MARCO: variants seen among roughly 807,000 people sequenced by gnomAD.
The protein encoded by MARCO is macrophage receptor with collagenous structure.
Under a neutral mutation model 70.0 loss-of-function variants are expected in MARCO, and 72 were observed. The ratio of observed to expected loss-of-function variants is 1.03; its 90% CI spans 0.85 to 1.25. MARCO has a LOEUF of 1.25. Among genes scored for constraint, MARCO ranks in the 50% most tolerant of loss-of-function variants. The pLI, the probability that MARCO is intolerant of heterozygous loss-of-function variation, is 0.00. For synonymous variants in MARCO, 273 were observed against 243.1 expected (o/e 1.12, Z -1.14); for missense variants, 696 against 659.3 (o/e 1.06, Z -0.61).
chr2:118,968,926 T>C (rs1680108379), intron 1 of MARCO, among the ~76,000 whole-genome samples: 1 of 152,208 alleles, frequency 6.6e-6, no homozygotes, highest in Non-Finnish European at 1.5e-5. Flanking sequence ...AAATGATATA[T>C]GGCACAGATG....
chr2:118,969,224 C>T lies in MARCO; in HGVS notation c.162C>T (p.Ile54=). The T allele has an allele frequency of 6.2e-7, 1 of 1,614,214 alleles. No individual in the cohort carries two copies. Among genetic ancestry groups the T allele is most frequent in the Non-Finnish European group, 8.5e-7 (1 of 1,180,022 alleles). The part of the protein sequence containing the change: ...FSLAVVVIYL[I]LLTAGAGLLV... ...TAGCTGTGGTGGTCATCTACCTGAT[C>T]CTGCTCACCGCTGGCGCTGGGCTGC... The change falls in exon 2 of 17, where the codon ATC becomes ATT. Residue 54 remains isoleucine (I), a synonymous_variant. Transcript: ENST00000327097.
chr2:118,993,077 C>T (rs1411825034), intron 15 of MARCO, 47 bp from the exon 16 acceptor site: 1 of 1,568,944 alleles, frequency 6.4e-7, no homozygotes, highest in Non-Finnish European at 8.8e-7. Context: ...TTACCCAAAG[C>T]CCCAAGGGGC....
At position 118,977,949 on chromosome 2, in the gene MARCO, T is replaced by G. The variant is rs775294016; in HGVS notation, c.766+14T>G. On this transcript the variant is annotated intron_variant, in intron 8 of 16. Coordinates refer to ENST00000327097, the MANE Select transcript of MARCO (RefSeq NM_006770.4). The stretch of plus-strand genomic sequence containing the variant: ...TGGGTCTCCCAGGTGAGGGCCGTAT[T>G]GGGGGTGTCGGTGCTTGCCAGGAGG... 1 of 1,568,674 alleles carries G rather than the reference T, an allele frequency of 6.4e-7. No individual in the cohort carries two copies. The highest frequency in any genetic ancestry group is 1.2e-5 in the South Asian group (1 of 86,636).
intron 1 of MARCO, among the ~76,000 whole-genome samples, chr2:118,960,298 T>C (rs141708070): frequency 1.3e-5 from 2 of 152,254 alleles, no homozygotes; most frequent in Non-Finnish European, 2.9e-5. Context: ...CAGTGCTATG[T>C]TGAATAAGAA....
chr2:118,976,705 A>T (rs2104588709), intron 6 of MARCO, among the ~76,000 whole-genome samples: 2 of 152,328 alleles, frequency 1.3e-5, no homozygotes, highest in Middle Eastern at 3.4e-3. Context: ...TACAGATGAG[A>T]AAATTCAGAT....
rs1680385991 is a variant in MARCO at position 118,981,405 on chromosome 2, T to C, written c.767-4T>C. 2 of 1,597,784 alleles carry C rather than the reference T, an allele frequency of 1.3e-6. No homozygotes were observed. Among genetic ancestry groups the C allele is most frequent in the Non-Finnish European group, 1.7e-6 (2 of 1,174,920 alleles). On this transcript the variant is annotated splice_polypyrimidine_tract_variant and splice_region_variant and intron_variant, in intron 8 of 16. Coordinates refer to ENST00000327097, the MANE Select transcript of MARCO (RefSeq NM_006770.4). ...CAACTAACCAAGACTTTTTGGTTTT[T>C]CAGGAAGCAAAGGGGACAGGGGCAT...
rs766981323 is a variant in MARCO, at chr2:118,970,268, C to T, written c.354C>T (p.Ala118=). 1.2e-6 allele frequency: 2 copies of T among 1,614,104 alleles called. No homozygotes were observed. The highest frequency in any genetic ancestry group is 1.7e-6 in the Non-Finnish European group (2 of 1,180,014). ...QGASRLQVLQ[A]QLTWVRVSHE... is the part of the protein sequence containing the mutation. ...CATCGAGGCTGCAAGTCCTGCAGGC[C>T]CAACTCACCTGGGTCCGCGTCAGCC... Residue 118 remains alanine (A), a synonymous_variant, in exon 3 of 17, where the codon GCC becomes GCT. Coordinates refer to ENST00000327097, the MANE Select transcript of MARCO (RefSeq NM_006770.4).
intron 8 of MARCO, among the ~76,000 whole-genome samples, chr2:118,979,276 A>G (rs993908561): frequency 3.3e-5 from 5 of 152,192 alleles, no homozygotes; most frequent in African/African-American, 9.6e-5. Flanking sequence ...AGGAGGACCA[A>G]TTGTGCTAAG....
Position 118,982,395 on chromosome 2 carries a change from A to T in MARCO, c.1048A>T (p.Ser350Cys), listed in dbSNP as rs1249466745. 2 of 1,613,912 alleles carry T rather than the reference A, an allele frequency of 1.2e-6. No homozygotes were observed. Among genetic ancestry groups the T allele is most frequent in the Non-Finnish European group, 1.7e-6 (2 of 1,179,948 alleles). Residue 350 changes from serine to cysteine, a missense_variant, in exon 12 of 17, where the codon AGC becomes TGC. Ser to Cys is a moderately radical substitution (Grantham distance 112). This residue lies in a region of MARCO where 605 missense variants were observed against 537.6 expected (regional missense o/e 1.13). Coordinates refer to ENST00000327097, the MANE Select transcript of MARCO (RefSeq NM_006770.4). ...TCCAGGAGCCACAGGCCTGAAAGGA[A>T]GCAAAGGGGACACAGGTAACAGAGG... ...GSPGATGLKG[S>C]KGDTGLQGQQ...
intron 8 of MARCO, among the ~76,000 whole-genome samples, chr2:118,979,870 G>C (rs1377137840): frequency 1.3e-5 from 2 of 152,190 alleles, no homozygotes; most frequent in Non-Finnish European, 2.9e-5. Context: ...CTTCCTGCTA[G>C]TAGACAGATA....
In MARCO at chr2:118,991,777, G is replaced by T; in HGVS notation, c.1109G>T (p.Gly370Val). The T allele has an allele frequency of 5.1e-6, 8 of 1,569,856 alleles. No homozygotes were observed. The highest frequency in any genetic ancestry group is 6.9e-6 in the Non-Finnish European group (8 of 1,156,164). ...QGRKGESGVPGPAGVKGEQGS... is the reference protein window; with the variant it reads ...QGRKGESGVPVPAGVKGEQGS... ...ATCAGGGCAGTGTCTCTCCTTCCAGGCCCTGCAGGTGTGAAGGGAGAACAG... is the reference window on the plus strand; with the variant it reads ...ATCAGGGCAGTGTCTCTCCTTCCAGTCCCTGCAGGTGTGAAGGGAGAACAG... The change falls in exon 14 of 17, where the codon GGC (glycine) becomes GTC (valine). Residue 370 changes from glycine to valine, a missense_variant and splice_region_variant. Gly to Val is a moderately radical substitution (Grantham distance 109, BLOSUM62 -3). This residue lies in a region of MARCO where 605 missense variants were observed against 537.6 expected (regional missense o/e 1.13). Coordinates refer to ENST00000327097, the MANE Select transcript of MARCO (RefSeq NM_006770.4).
At chr2:118,983,244 C>A (rs1251259061) in intron 12 of MARCO, among the ~76,000 whole-genome samples, 4 of 152,202 alleles carry the variant, frequency 2.6e-5, no homozygotes, top group Admixed American at 2.6e-4. Flanking sequence ...AGACAGTCTG[C>A]CTCCACCCCT....
intron 12 of MARCO, among the ~76,000 whole-genome samples, chr2:118,986,566 G>T (rs1308309170): frequency 9.0e-6 from 1 of 111,696 alleles, no homozygotes; most frequent in Admixed American, 9.0e-5. Context: ...GGAAGGGAGG[G>T]AGGGAGGGAG....
At chr2:118,961,523 A>T (rs1679945586) in intron 1 of MARCO, among the ~76,000 whole-genome samples, 1 of 152,118 alleles carries the variant, frequency 6.6e-6, no homozygotes, top group Admixed American at 6.5e-5. Flanking sequence ...TCTTCTTTTG[A>T]GAAGTGTCTG....
intron 12 of MARCO, among the ~76,000 whole-genome samples, chr2:118,989,574 A>T (rs1387350884): frequency 6.6e-6 from 1 of 152,216 alleles, no homozygotes; most frequent in Non-Finnish European, 1.5e-5. Flanking sequence ...GAGGTCTGCC[A>T]GCCCCTTGCC....
Position 118,990,300 on chromosome 2 carries a change from C to G in MARCO, c.1064-289C>G, listed in dbSNP as rs1680596069. On this transcript the variant is annotated intron_variant, in intron 12 of 16. Coordinates refer to ENST00000327097, the MANE Select transcript of MARCO (RefSeq NM_006770.4). Reference sequence around the variant, plus strand: ...AGGGAATGGGATTGGATTTAGATGCCAGGTCAGGTTACCGGGGGGCAGGGA... The same window carrying G: ...AGGGAATGGGATTGGATTTAGATGCGAGGTCAGGTTACCGGGGGGCAGGGA... Among the ~76,000 whole-genome samples, 4 of 152,122 alleles carry G rather than the reference C, an allele frequency of 2.6e-5. No homozygotes were observed. In the South Asian group the frequency reaches 8.3e-4, roughly 31 times the overall value.
chr2:118,983,167 G>A (rs991015128), intron 12 of MARCO, among the ~76,000 whole-genome samples: 3 of 152,198 alleles, frequency 2.0e-5, no homozygotes, highest in Non-Finnish European at 2.9e-5. Flanking sequence ...AGCCAAGAGC[G>A]GGCAGGAGGG....
chr2:118,971,606 G>A, intron 4 of MARCO, 72 bp downstream of exon 4: 11 of 1,521,566 alleles, frequency 7.2e-6, no homozygotes, highest in Non-Finnish European at 9.1e-6. Flanking sequence ...CTTGGCCTGT[G>A]CCATTCTGGG....
Position 118,977,812 on chromosome 2 carries a change from G to A in MARCO, c.659-16G>A. 1 of 1,596,118 alleles carries A rather than the reference G, an allele frequency of 6.3e-7. No individual in the cohort carries two copies. The highest frequency in any genetic ancestry group is 1.7e-5 in the Admixed American group (1 of 59,094). On this transcript the variant is annotated splice_polypyrimidine_tract_variant and intron_variant, in intron 7 of 16. Coordinates refer to ENST00000327097, the MANE Select transcript of MARCO (RefSeq NM_006770.4). ...AGGATAGTGGGAGCCCATCTCACCAGCCATTCTCTTTGCAGGCACCCCAGG... is the reference window on the plus strand; with the variant it reads ...AGGATAGTGGGAGCCCATCTCACCAACCATTCTCTTTGCAGGCACCCCAGG...
Sources: allele counts gnomAD v4.1 joint callset (sites outside exome capture counted in the v4.1 genomes callset), GRCh38; gene constraint gnomAD v4.1.1; regional missense constraint gnomAD v4.1.1; transcripts MANE v1.5; gene names NCBI Gene and HGNC (gene_info 2026-07-23, HGNC 2026-07-21).